GPM6B: variants seen among roughly 807,000 people sequenced by gnomAD.
The protein encoded by GPM6B is glycoprotein M6B, also known as neuronal membrane glycoprotein M6-b.
GPM6B carries 4 observed loss-of-function variants against 27.2 expected under a neutral mutation model. The ratio of observed to expected loss-of-function variants is 0.15; its 90% CI spans 0.07 to 0.34. The LOEUF (loss-of-function observed/expected upper bound fraction) is 0.34. Ranked by LOEUF, GPM6B falls within the 10% of genes least tolerant of loss-of-function variation. The pLI is 1.00. For synonymous variants in GPM6B, 124 were observed against 103.1 expected (o/e 1.20, Z -1.23); for missense variants, 183 against 261.9 (o/e 0.70, Z 2.08).
At chrX:13,929,249 C>T (rs1921358272) in intron 1 of GPM6B, among the ~76,000 whole-genome samples, 2 of 111,316 alleles carry the variant, frequency 1.8e-5, no homozygotes, top group South Asian at 3.8e-4. Flanking sequence ...TCAGTCCTTT[C>T]AGAGATAAGG....
At chrX:13,874,354 C>T (rs887275614) in intron 1 of GPM6B, among the ~76,000 whole-genome samples, 4 of 111,085 alleles carry the variant, frequency 3.6e-5, no homozygotes, top group African/African-American at 1.3e-4. Flanking sequence ...CTATACTCAA[C>T]ACATTCTGGA....
chrX:13,793,418 A>G (rs1370658082), intron 2 of GPM6B, among the ~76,000 whole-genome samples: 3 of 111,313 alleles, frequency 2.7e-5, no homozygotes, highest in African/African-American at 6.5e-5. Context: ...GGCACATGTT[A>G]TTAGGATCTC....
At chrX:13,859,897 G>A (rs781686662) in intron 1 of GPM6B, among the ~76,000 whole-genome samples, 1 of 112,109 alleles carries the variant, frequency 8.9e-6, no homozygotes, top group African/African-American at 3.2e-5. Flanking sequence ...AGGATGTACA[G>A]CTACTGAAAT....
intron 2 of GPM6B, among the ~76,000 whole-genome samples, chrX:13,795,749 T>C (rs935887884): frequency 9.7e-6 from 1 of 102,654 alleles, no homozygotes; most frequent in Non-Finnish European, 2.0e-5. Context: ...TTTCTTTTTT[T>C]TTTTTTTTTT....
rs771113575 is a variant in GPM6B at position 13,783,464 on chromosome X, C to G, written c.426G>C (p.Gly142=). The change falls in exon 4 of 8, where the codon GGG becomes GGC. Residue 142 remains glycine, a synonymous_variant. Coordinates refer to ENST00000316715, the MANE Select transcript of GPM6B (RefSeq NM_001001995.3). ...AAAAGCCTTCTGCCAACAGAATGAT[C>G]CCATACAAGAAGAAAAAGGACGCAA... is the stretch of plus-strand genomic sequence containing the variant. The part of the protein sequence containing the change: ...YGIASFFFLY[G]IILLAEGFYT... The G allele has an allele frequency of 2.5e-6, 3 of 1,201,918 alleles. No individual in the cohort carries two copies. In the Admixed American group the frequency reaches 6.6e-5, roughly 26 times the overall value.
chrX:13,921,581 C>G (rs866325651), intron 1 of GPM6B, among the ~76,000 whole-genome samples: 1 of 92,823 alleles, frequency 1.1e-5, no homozygotes, highest in Non-Finnish European at 2.1e-5. Flanking sequence ...AACCCCCCCC[C>G]TTTTTTTTTT....
At chrX:13,912,808 G>A (rs780303760) in intron 1 of GPM6B, among the ~76,000 whole-genome samples, 1 of 111,683 alleles carries the variant, frequency 9.0e-6, no homozygotes, top group East Asian at 2.8e-4. Context: ...TTCTGCACTT[G>A]ATACAATCTT....
intron 2 of GPM6B, among the ~76,000 whole-genome samples, chrX:13,806,277 T>G (rs894649073): frequency 8.9e-6 from 1 of 112,692 alleles, no homozygotes; most frequent in African/African-American, 3.2e-5. Context: ...ATTTGGTCTC[T>G]TGTGTCTGGC....
chrX:13,797,064 T>C (rs1018037026), intron 2 of GPM6B, among the ~76,000 whole-genome samples: 2 of 112,326 alleles, frequency 1.8e-5, no homozygotes, highest in African/African-American at 6.5e-5. Flanking sequence ...TTGAGAAGTA[T>C]TTAATATCTG....
chrX:13,910,738 G>A (rs935238835), intron 1 of GPM6B, among the ~76,000 whole-genome samples: 3 of 112,546 alleles, frequency 2.7e-5, no homozygotes, highest in Non-Finnish European at 5.6e-5. Context: ...TTAAAGAACA[G>A]ACCATGAGTA....
chrX:13,818,028 A>G (rs1278199911), upstream of GPM6B, among the ~76,000 whole-genome samples: 1 of 112,277 alleles, frequency 8.9e-6, no homozygotes, highest in Non-Finnish European at 1.9e-5. Flanking sequence ...AATATTCAAC[A>G]TAAAGGCTAG....
chrX:13,878,056 G>A (rs2050057072), intron 1 of GPM6B, among the ~76,000 whole-genome samples: 1 of 109,690 alleles, frequency 9.1e-6, no homozygotes, highest in South Asian at 3.9e-4. Flanking sequence ...CCCCCAAATA[G>A]TTAATGACAG....
At chrX:13,816,476 C>T (rs766293380) in intron 1 of GPM6B, among the ~76,000 whole-genome samples, 69 of 111,744 alleles carry the variant, frequency 6.2e-4, no homozygotes, top group Middle Eastern at 4.6e-3. Context: ...TCCTCCTCAG[C>T]ATTAGCAGAA....
At chrX:13,931,941 T>C (rs1921587833) in intron 1 of GPM6B, among the ~76,000 whole-genome samples, 2 of 112,014 alleles carry the variant, frequency 1.8e-5, no homozygotes, top group Non-Finnish European at 3.8e-5. Context: ...ACTGGAAACT[T>C]CATATAAGCC....
intron 1 of GPM6B, among the ~76,000 whole-genome samples, chrX:13,855,710 A>G (rs2049772787): frequency 8.9e-6 from 1 of 112,152 alleles, no homozygotes; most frequent in Non-Finnish European, 1.9e-5. Context: ...CACCTGTATA[A>G]CTGAACCCAA....
chrX:13,913,591 C>G (rs892723301), intron 1 of GPM6B, among the ~76,000 whole-genome samples: 1 of 112,211 alleles, frequency 8.9e-6, no homozygotes, highest in Non-Finnish European at 1.9e-5. Flanking sequence ...AAACATGAAT[C>G]AAAAGCAGAG....
At position 13,785,780 on chromosome X, in the gene GPM6B, C is replaced by A; in HGVS notation, c.210G>T (p.Leu70=). Residue 70 remains leucine, a synonymous_variant, in exon 3 of 8, where the codon CTG becomes CTT. Transcript: ENST00000316715. ...PGCFECCIKC[L]GGVPYASLVA... is the part of the protein sequence containing the mutation. ...CCAGGGAGGCGTAGGGGACTCCTCC[C>A]AGACACTTGATGCAGCATTCAAAGC... 2.5e-6 allele frequency: 3 copies of A among 1,210,721 alleles called. No individual in the cohort carries two copies. The highest frequency in any genetic ancestry group is 2.2e-6 in the Non-Finnish European group (2 of 894,697).
intron 1 of GPM6B, among the ~76,000 whole-genome samples, chrX:13,837,807 CTGAT>C (rs199928945): frequency 0.34 from 34,365 of 100,872 alleles, 6,330 homozygotes; most frequent in Non-Finnish European, 0.5. Context: ...AGCGGCTTGC[CTGAT>C]TGTCAATTTT....
At chrX:13,867,603 G>T (rs1201342340) in intron 1 of GPM6B, among the ~76,000 whole-genome samples, 2 of 112,057 alleles carry the variant, frequency 1.8e-5, no homozygotes, top group Admixed American at 1.9e-4. Context: ...TGGCTCACAT[G>T]AAGTTATACA....
Sources: gnomAD v4.1 joint callset for allele counts (sites outside exome capture counted in the v4.1 genomes callset) on GRCh38, gnomAD v4.1.1 for gene constraint, MANE v1.5 for transcripts, NCBI Gene and HGNC (gene_info 2026-07-23, HGNC 2026-07-21) for gene names.